TJP2: variants seen among roughly 807,000 people sequenced by gnomAD.
TJP2 encodes the protein Friedreich ataxia region gene X104 (tight junction protein ZO-2).
TJP2 carries 91 observed loss-of-function variants against 133.1 expected under a neutral mutation model. The observed-to-expected ratio is 0.68, with a 90% CI of 0.58 to 0.81. TJP2 has a LOEUF of 0.81. TJP2 is among the 40% of genes least tolerant of loss of function. TJP2 has a pLI of 0.00. For synonymous variants in TJP2, 592 were observed against 583.4 expected, an observed-to-expected ratio of 1.01 and a Z score of -0.21; for missense variants, 1,541 against 1,565.6, an observed-to-expected ratio of 0.98 and a Z score of 0.26.
intron 17 of TJP2, among the ~76,000 whole-genome samples, chr9:69,242,669 A>G (rs1830653915): frequency 6.6e-6 from 1 of 152,160 alleles, no homozygotes; most frequent in African/African-American, 2.4e-5. Flanking sequence ...GTGGTCTTTT[A>G]CAGTACTCTT....
intron 18 of TJP2, among the ~76,000 whole-genome samples, chr9:69,247,712 G>A (rs1406468964): frequency 6.6e-6 from 1 of 152,104 alleles, no homozygotes; most frequent in Non-Finnish European, 1.5e-5. Context: ...GGCTGCAGAG[G>A]AGCTGGATTC....
At chr9:69,237,210 A>G (rs563139904) in intron 14 of TJP2, 74 bp downstream of exon 14, 5 of 1,563,296 alleles carry the variant, frequency 3.2e-6, no homozygotes, top group South Asian at 1.1e-5. Context: ...TTCAGACTGT[A>G]TGGTCAAGTT....
chr9:69,211,351 A>G (rs918658987), intron 1 of TJP2, among the ~76,000 whole-genome samples: 3 of 152,176 alleles, frequency 2.0e-5, no homozygotes, highest in Non-Finnish European at 4.4e-5. Context: ...AAAACAAAAC[A>G]AAACAAAAAA....
At chr9:69,237,364 T>C (rs1811461518) in intron 14 of TJP2, among the ~76,000 whole-genome samples, 2 of 152,236 alleles carry the variant, frequency 1.3e-5, no homozygotes, top group Admixed American at 1.3e-4. Context: ...AATACCACTG[T>C]TCAAGAGTTT....
At chr9:69,231,820 A>G (rs1829807303) in intron 11 of TJP2, among the ~76,000 whole-genome samples, 1 of 151,950 alleles carries the variant, frequency 6.6e-6, no homozygotes, top group South Asian at 2.1e-4. Flanking sequence ...ACTGATGAAA[A>G]CCCATCTGAG....
At chr9:69,145,609 A>G (rs1199225080) in intron 1 of TJP2, 3 of 737,274 alleles carry the variant, frequency 4.1e-6, no homozygotes, top group Non-Finnish European at 3.7e-6. Flanking sequence ...CATAGAGAAC[A>G]TCCAAAGGAA....
At chr9:69,212,290 C>T (rs1827978374) in intron 1 of TJP2, among the ~76,000 whole-genome samples, 1 of 152,204 alleles carries the variant, frequency 6.6e-6, no homozygotes, top group Non-Finnish European at 1.5e-5. Flanking sequence ...TAAAAGGACT[C>T]AGCACTTAAC....
chr9:69,147,291 T>C (rs1050489263), intron 1 of TJP2, among the ~76,000 whole-genome samples: 1 of 152,184 alleles, frequency 6.6e-6, no homozygotes, highest in African/African-American at 2.4e-5. Flanking sequence ...AGGTGCCAGT[T>C]GATGGTTGGC....
upstream of TJP2, chr9:69,174,228 A>G (rs1269586307): frequency 6.8e-7 from 1 of 1,475,902 alleles, no homozygotes; most frequent in Admixed American, 2.2e-5. Flanking sequence ...AGGAGGGACA[A>G]AGGGGTGGGT....
chr9:69,145,029 C>A (rs1220360924), intron 1 of TJP2, among the ~76,000 whole-genome samples: 2 of 152,114 alleles, frequency 1.3e-5, no homozygotes, highest in Non-Finnish European at 2.9e-5. Flanking sequence ...CCTCTCCAAA[C>A]GATATATTTT....
intron 1 of TJP2, among the ~76,000 whole-genome samples, chr9:69,180,519 G>A (rs904752122): frequency 1.3e-5 from 2 of 152,096 alleles, no homozygotes; most frequent in Admixed American, 1.3e-4. Context: ...GAAGTGTTCC[G>A]AGTTCTAGGT....
chr9:69,228,308 G>T (rs1004527920), intron 9 of TJP2, among the ~76,000 whole-genome samples, 194 bp downstream of exon 9: 6 of 152,152 alleles, frequency 3.9e-5, no homozygotes, highest in African/African-American at 1.4e-4. Flanking sequence ...CTAAACATTG[G>T]GTACAAATGG....
chr9:69,237,998 C>A (rs1295260233), intron 15 of TJP2, 25 bp downstream of exon 15: 1 of 1,508,020 alleles, frequency 6.6e-7, no homozygotes, highest in Non-Finnish European at 9.2e-7. Context: ...GTTTTTTTTT[C>A]CCCCAAATTT....
At chr9:69,128,481 C>G (rs892997068) in intron 1 of TJP2, among the ~76,000 whole-genome samples, 1 of 151,318 alleles carries the variant, frequency 6.6e-6, no homozygotes, top group Admixed American at 6.6e-5. Flanking sequence ...TCTCTGATGG[C>G]TAATGATGTT....
At chr9:69,139,024 G>A (rs1280970188) in intron 1 of TJP2, among the ~76,000 whole-genome samples, 1 of 152,120 alleles carries the variant, frequency 6.6e-6, no homozygotes, top group Non-Finnish European at 1.5e-5. Context: ...GACCAGTCTG[G>A]CCAACATGGT....
intron 5 of TJP2, among the ~76,000 whole-genome samples, chr9:69,222,370 TG>T (rs1563928159): frequency 1.3e-5 from 2 of 151,668 alleles, no homozygotes; most frequent in Admixed American, 6.6e-5. Flanking sequence ...AGAGACAGGT[TG>T]GCCAGGCTGG....
chr9:69,234,922 C>CT (rs1830072551), intron 12 of TJP2, among the ~76,000 whole-genome samples: 1 of 152,150 alleles, frequency 6.6e-6, no homozygotes, highest in Admixed American at 6.5e-5. Context: ...GTTGTTTCAC[C>CT]TTTCCAGGCC....
chr9:69,236,055 G>A lies in TJP2; in HGVS notation c.1808G>A (p.Arg603Lys). 5.6e-6 allele frequency: 9 copies of A among 1,614,170 alleles called. No homozygotes were observed. Among genetic ancestry groups the A allele is most frequent in the Non-Finnish European group, 7.6e-6 (9 of 1,180,026 alleles). The part of the protein sequence containing the change: ...DVYRDILACG[R>K]GDSFFIRSHF... ...TATAGAGACATCCTGGCTTGTGGCA[G>A]AGGGGATTCGTTTTTTATAAGAAGC... is the stretch of plus-strand genomic sequence containing the variant. The change falls in exon 13 of 23, where the codon AGA (arginine) becomes AAA (lysine). Residue 603 changes from arginine to lysine, a missense_variant. Transcript: ENST00000377245.
At chr9:69,141,968 C>G (rs548371090) in intron 1 of TJP2, among the ~76,000 whole-genome samples, 2 of 152,202 alleles carry the variant, frequency 1.3e-5, no homozygotes, top group African/African-American at 4.8e-5. Flanking sequence ...TCAGAAAGGT[C>G]AGTAACTTGT....
Sources: gnomAD v4.1 joint callset for allele counts (sites outside exome capture counted in the v4.1 genomes callset) on GRCh38, gnomAD v4.1.1 for gene constraint, MANE v1.5 for transcripts, NCBI Gene and HGNC (gene_info 2026-07-23, HGNC 2026-07-21) for gene names.